The following PPP4R1 variants were observed in gnomAD, a reference collection of about 807,000 sequenced individuals.
PPP4R1 encodes the protein serine/threonine-protein phosphatase 4 regulatory subunit 1.
In PPP4R1, 42 loss-of-function variants were observed where a neutral mutation model predicts 111.2. The observed-to-expected ratio is 0.38, with a 90% CI of 0.29 to 0.49. The LOEUF (loss-of-function observed/expected upper bound fraction) is 0.49, where lower values mean the gene tolerates loss of function less well. Ranked by LOEUF, PPP4R1 falls within the 20% of genes least tolerant of loss-of-function variation. The pLI, the probability that PPP4R1 is intolerant of heterozygous loss-of-function variation, is 0.97. For synonymous variants in PPP4R1, 409 were observed against 405.5 expected (o/e 1.01, Z -0.10); for missense variants, 1,012 against 1,161.6 (o/e 0.87, Z 1.87).
intron 8 of PPP4R1, 69 bp downstream of exon 8, chr18:9,584,446 G>A: frequency 1.5e-6 from 2 of 1,330,586 alleles, no homozygotes; most frequent in Non-Finnish European, 2.0e-6. Context: ...GAGTAAATGT[G>A]TGCATTTCAA....
chr18:9,592,828 A>T (rs1020528166), intron 4 of PPP4R1, among the ~76,000 whole-genome samples: 14 of 152,136 alleles, frequency 9.2e-5, no homozygotes, highest in South Asian at 4.1e-4. Flanking sequence ...AAATCAAATT[A>T]AAAAAATAAG....
At chr18:9,614,827 G>C (rs2067665356), upstream of PPP4R1, 1 of 149,362 alleles carries the variant, frequency 6.7e-6, no homozygotes. The surrounding 1 kb of genome is among the most constrained non-coding windows in gnomAD (Gnocchi z 4.1). Flanking sequence ...CACGCCGAGC[G>C]CTGCGGACGG....
rs1336535166 is a variant in PPP4R1 at position 9,614,351 on chromosome 18, C to T, written c.8-81G>A. 3.7e-6 allele frequency: 4 copies of T among 1,072,470 alleles called. No individual in the cohort carries two copies. In the African/African-American group the frequency reaches 7.0e-5, roughly 19 times the overall value. The allele number at this position is 1,072,470 out of a possible 1,614,324, so 66.4% of individuals were successfully genotyped here. On this transcript the variant is annotated intron_variant, in intron 1 of 19. Coordinates refer to ENST00000400556, the MANE Select transcript of PPP4R1 (RefSeq NM_001042388.3). The surrounding 1 kb of genome is among the most constrained non-coding windows in gnomAD (Gnocchi z 4.1). ...GCCCCCCCCCCGCCCGCCTCCCCCC[C>T]GCCCCGGGGGCGCCTTCCCGCGCCG...
Position 9,559,544 on chromosome 18 carries a change from G to C in PPP4R1, c.1903C>G (p.Gln635Glu). The change falls in exon 14 of 20, where the codon CAG becomes GAG. Residue 635 changes from glutamine to glutamate, a missense_variant. By Grantham distance (29) the Gln-to-Glu change is conservative. Around this residue, in one of 2 missense-constraint regions of PPP4R1, gnomAD observed 305 missense variants for 419.5 expected, o/e 0.73. Coordinates refer to ENST00000400556, the MANE Select transcript of PPP4R1 (RefSeq NM_001042388.3). ...YLSMTDPSRAQTVDTEIAKHC... is the reference protein window; with the variant it reads ...YLSMTDPSRAETVDTEIAKHC... The stretch of plus-strand genomic sequence containing the variant: ...TTAGCAATTTCAGTGTCAACCGTCT[G>C]TGCACGAGAAGGGTCAGTCATAGAT... 6.2e-7 allele frequency: 1 copy of C among 1,613,538 alleles called. No homozygotes were observed. Among genetic ancestry groups the C allele is most frequent in the Non-Finnish European group, 8.5e-7 (1 of 1,179,620 alleles).
At chr18:9,607,088 G>A (rs2067493746) in intron 2 of PPP4R1, among the ~76,000 whole-genome samples, 1 of 152,226 alleles carries the variant, frequency 6.6e-6, no homozygotes, top group African/African-American at 2.4e-5. Context: ...GCTGGGTGCA[G>A]TGGCTCACAC....
chr18:9,554,075 G>A (rs1194933668), intron 15 of PPP4R1, among the ~76,000 whole-genome samples: 1 of 152,026 alleles, frequency 6.6e-6, no homozygotes, highest in African/African-American at 2.4e-5. Context: ...TATTATTGGT[G>A]GAGTAATTCT....
At chr18:9,588,652 A>G (rs984920020) in intron 5 of PPP4R1, 59 bp downstream of exon 5, 22 of 1,444,038 alleles carry the variant, frequency 1.5e-5, no homozygotes, top group African/African-American at 2.9e-5. Flanking sequence ...AGGCTCGGCT[A>G]TTCTCCATAT....
In PPP4R1 at chr18:9,570,541, C is replaced by G; in HGVS notation, c.1189G>C (p.Glu397Gln). 1 of 1,614,164 alleles carries G rather than the reference C, an allele frequency of 6.2e-7. No homozygotes were observed. Among genetic ancestry groups the G allele is most frequent in the Non-Finnish European group, 8.5e-7 (1 of 1,180,026 alleles). Residue 397 changes from glutamate to glutamine, a missense_variant, in exon 11 of 20, where the codon GAA (glutamate) becomes CAA (glutamine). Physicochemically the swap from Glu to Gln is conservative, Grantham distance 29. Coordinates refer to ENST00000400556, the MANE Select transcript of PPP4R1 (RefSeq NM_001042388.3). ...AAEASGKPLGEISVPLDSSLL... is the reference protein window; with the variant it reads ...AAEASGKPLGQISVPLDSSLL... The stretch of plus-strand genomic sequence containing the variant: ...GAGCTGTCCAGTGGAACACTAATTT[C>G]ACCTAGAGGCTTCCCGGATGCCTCA...
intron 11 of PPP4R1, among the ~76,000 whole-genome samples, chr18:9,568,692 C>T (rs141426593): frequency 2.6e-5 from 4 of 152,246 alleles, no homozygotes; most frequent in East Asian, 3.9e-4. Flanking sequence ...GCTCCCAGAA[C>T]CGGCTTAAGG....
At chr18:9,584,462 A>C in intron 8 of PPP4R1, 53 bp downstream of exon 8, 1 of 1,463,248 alleles carries the variant, frequency 6.8e-7, no homozygotes, top group Non-Finnish European at 9.2e-7. Context: ...TTCAAACTTT[A>C]TGTACTACTT....
At chr18:9,571,382 G>GT (rs1421615192) in intron 10 of PPP4R1, among the ~76,000 whole-genome samples, 1 of 152,190 alleles carries the variant, frequency 6.6e-6, no homozygotes, top group Non-Finnish European at 1.5e-5. Flanking sequence ...AAGTACGACT[G>GT]TAAGTGTTAT....
At chr18:9,580,510 C>T (rs1027577431) in intron 9 of PPP4R1, among the ~76,000 whole-genome samples, 27 of 152,066 alleles carry the variant, frequency 1.8e-4, no homozygotes, top group African/African-American at 4.6e-4. Flanking sequence ...CCACCACACC[C>T]GGCTAATTTT....
Position 9,570,605 on chromosome 18 carries a change from G to C in PPP4R1, c.1125C>G (p.Ser375=). 6.2e-7 allele frequency: 1 copy of C among 1,614,022 alleles called. No homozygotes were observed. Among genetic ancestry groups the C allele is most frequent in the Non-Finnish European group, 8.5e-7 (1 of 1,180,004 alleles). Residue 375 remains serine (S), a synonymous_variant, in exon 11 of 20, where the codon TCC becomes TCG. Transcript: ENST00000400556. The stretch of plus-strand genomic sequence containing the variant: ...CCATCGTGTTTTCCAGTATGACACT[G>C]GAATTACTAACACTGAGATCTGAAG... ...DTPSDLSVSN[S]SVILENTMED...
At chr18:9,558,833 C>T (rs1457873885) in intron 14 of PPP4R1, among the ~76,000 whole-genome samples, 4 of 151,834 alleles carry the variant, frequency 2.6e-5, no homozygotes, top group Admixed American at 2.0e-4. Flanking sequence ...GGGAAGAGGT[C>T]ACACAAAAGT....
rs192659224 is a variant in PPP4R1 at position 9,570,316 on chromosome 18, G to A, written c.1414C>T (p.Leu472Phe). 6.2e-7 allele frequency: 1 copy of A among 1,612,192 alleles called. No homozygotes were observed. The highest frequency in any genetic ancestry group is 2.2e-5 in the East Asian group (1 of 44,872). ...PLPEIDLDIE[L>F]EQNSGGKPSP... ...GGTTTTCCCCCAGAGTTCTGTTCAAGCTCTATGTCTAGATCTATTTCAGGA... is the reference window on the plus strand; with the variant it reads ...GGTTTTCCCCCAGAGTTCTGTTCAAACTCTATGTCTAGATCTATTTCAGGA... Residue 472 changes from leucine to phenylalanine, a missense_variant, in exon 11 of 20, where the codon CTT becomes TTT. Transcript: ENST00000400556.
At chr18:9,564,739 G>GTGTGTGT (rs1568094920) in intron 11 of PPP4R1, among the ~76,000 whole-genome samples, 1,203 of 17,320 alleles carry the variant, frequency 0.069, 16 homozygotes, top group Middle Eastern at 0.14. Flanking sequence ...TGTGTGTGTG[G>GTGTGTGT]GGGTATCATC....
rs976342543 is a variant in PPP4R1 at position 9,553,434 on chromosome 18, A to T, written c.2191-12T>A. 1.4e-5 allele frequency: 21 copies of T among 1,506,712 alleles called. No homozygotes were observed. Among genetic ancestry groups the T allele is most frequent in the Non-Finnish European group, 1.9e-5 (21 of 1,088,014 alleles). 93.3% of individuals were successfully genotyped at this position (1,506,712 alleles called of 1,614,324 possible). ...TCAATATGAAGAAGCTAAAGTAACA[A>T]AATAAAAATATTTACCAGGACAAGG... On this transcript the variant is annotated splice_polypyrimidine_tract_variant and intron_variant, in intron 15 of 19. Coordinates refer to ENST00000400556, the MANE Select transcript of PPP4R1 (RefSeq NM_001042388.3).
At chr18:9,565,588 GAAC>G (rs1036178544) in intron 11 of PPP4R1, among the ~76,000 whole-genome samples, 1 of 152,208 alleles carries the variant, frequency 6.6e-6, no homozygotes, top group African/African-American at 2.4e-5. Flanking sequence ...AAAGAAGAAG[GAAC>G]AACAACATTA....
chr18:9,614,832 G>C (rs1181051567), upstream of PPP4R1: 1 of 149,438 alleles, frequency 6.7e-6, no homozygotes, highest in African/African-American at 2.4e-5. This position sits in a 1 kb window ranked among gnomAD's most constrained non-coding sequence, Gnocchi z 4.1. Context: ...CGAGCGCTGC[G>C]GACGGGGGCG....
Sources: gnomAD v4.1 joint callset for allele counts (sites outside exome capture counted in the v4.1 genomes callset) on GRCh38, gnomAD v4.1.1 for gene constraint, gnomAD v4.1.1 regional missense constraint, Gnocchi (gnomAD v3.1) non-coding constraint, MANE v1.5 for transcripts, NCBI Gene and HGNC (gene_info 2026-07-23, HGNC 2026-07-21) for gene names.